Variants in AGBL3 observed in about 807,000 individuals in gnomAD.
AGBL3 encodes the protein cytosolic carboxypeptidase 3.
AGBL3 carries 68 observed loss-of-function variants against 94.5 expected under a neutral mutation model. That is an observed-to-expected ratio of 0.72 (90% CI 0.59 to 0.88). The LOEUF is 0.88. Ranked by LOEUF, AGBL3 falls within the 40% of genes least tolerant of loss-of-function variation. The probability of loss-of-function intolerance (pLI) is 0.00; values close to 1 mark genes in which losing one functional copy is unlikely to be tolerated. For synonymous variants in AGBL3, 354 were observed against 370.7 expected (o/e 0.95, Z 0.52); for missense variants, 934 against 1,103.8 (o/e 0.85, Z 2.18).
At chr7:135,133,244 C>A (rs7797986) in intron 16 of AGBL3, among the ~76,000 whole-genome samples, 3 of 152,010 alleles carry the variant, frequency 2.0e-5, no homozygotes, top group Non-Finnish European at 4.4e-5. Context: ...TACAGGGTTT[C>A]TATGCTGAAA....
chr7:135,134,054 G>C (rs1829149052), intron 16 of AGBL3, among the ~76,000 whole-genome samples: 1 of 151,980 alleles, frequency 6.6e-6, no homozygotes, highest in South Asian at 2.1e-4. Context: ...GATTAATAAT[G>C]GTTGCCAGGA....
At chr7:135,080,749 T>TG (rs1820846981) in intron 14 of AGBL3, among the ~76,000 whole-genome samples, 1 of 151,374 alleles carries the variant, frequency 6.6e-6, no homozygotes, top group Non-Finnish European at 1.5e-5. Context: ...TCTCTGTTTT[T>TG]TTTTTTTTTT....
At chr7:135,102,422 A>C (rs1441878147) in intron 15 of AGBL3, among the ~76,000 whole-genome samples, 5 of 152,194 alleles carry the variant, frequency 3.3e-5, no homozygotes, top group Non-Finnish European at 5.9e-5. Flanking sequence ...AAAGATAATA[A>C]TATGGAATAA....
chr7:135,045,666 T>C, intron 10 of AGBL3, 92 bp downstream of exon 10: 1 of 1,339,270 alleles, frequency 7.5e-7, no homozygotes, highest in Non-Finnish European at 1.0e-6. Context: ...CCTTTTAATG[T>C]CCCAACAGTG....
At chr7:135,055,470 T>G (rs542927198) in intron 11 of AGBL3, among the ~76,000 whole-genome samples, 2 of 152,340 alleles carry the variant, frequency 1.3e-5, no homozygotes, top group East Asian at 1.9e-4. Context: ...GTTTTTGTCA[T>G]GAATATGTGT....
chr7:135,133,953 G>GA (rs560925837), intron 16 of AGBL3, among the ~76,000 whole-genome samples: 38 of 147,352 alleles, frequency 2.6e-4, no homozygotes, highest in Admixed American at 1.1e-3. Context: ...ATTACTCTGA[G>GA]AAAAAAAAAA....
chr7:135,128,873 G>A lies in AGBL3; in HGVS notation c.2343-5968G>A, dbSNP rs1585283957. 6.1e-6 allele frequency: 8 copies of A among 1,302,470 alleles called. No individual in the cohort carries two copies. The East Asian group carries it at 1.8e-4, about 30-fold the overall frequency. 80.7% of individuals were successfully genotyped at this position (1,302,470 alleles called of 1,614,324 possible). On this transcript the variant is annotated intron_variant, in intron 16 of 16. Coordinates refer to ENST00000436302, the MANE Select transcript of AGBL3 (RefSeq NM_178563.4). ...TGTTAAATATGATCCAGGAAATCTT[G>A]GACTTTGATCAAGCTCAGCAGATAA...
At chr7:135,105,934 A>G (rs535657748) in intron 15 of AGBL3, among the ~76,000 whole-genome samples, 2 of 151,986 alleles carry the variant, frequency 1.3e-5, no homozygotes, top group Non-Finnish European at 2.9e-5. Flanking sequence ...TGTAATTTTC[A>G]TTGTAGAGAT....
intron 5 of AGBL3, among the ~76,000 whole-genome samples, chr7:135,024,700 T>C (rs1814897139): frequency 6.6e-6 from 1 of 152,162 alleles, no homozygotes; most frequent in South Asian, 2.1e-4. Context: ...GCAAGGAATC[T>C]TATCGAGATT....
chr7:135,094,372 T>G (rs749390723), intron 15 of AGBL3: 12 of 456,578 alleles, frequency 2.6e-5, no homozygotes, highest in Non-Finnish European at 5.3e-5. Flanking sequence ...TGCTGAGATC[T>G]GCTTGTCTGA....
intron 12 of AGBL3, among the ~76,000 whole-genome samples, chr7:135,069,344 G>A (rs1819662812): frequency 6.6e-6 from 1 of 152,174 alleles, no homozygotes; most frequent in South Asian, 2.1e-4. Flanking sequence ...AGGATATCCA[G>A]GAACTGAACT....
intron 15 of AGBL3, among the ~76,000 whole-genome samples, chr7:135,087,957 C>T (rs934479129): frequency 3.9e-5 from 6 of 152,006 alleles, no homozygotes; most frequent in Non-Finnish European, 7.4e-5. Context: ...TTCTATCTCT[C>T]CCTTTAGATC....
At chr7:134,993,008 G>T (rs111832272) in intron 3 of AGBL3, among the ~76,000 whole-genome samples, 12 of 152,270 alleles carry the variant, frequency 7.9e-5, no homozygotes, top group African/African-American at 2.9e-4. Flanking sequence ...GCTTGGCGTG[G>T]CCCCATACTA....
intron 11 of AGBL3, among the ~76,000 whole-genome samples, chr7:135,049,475 G>A (rs917807130): frequency 6.6e-6 from 1 of 151,910 alleles, no homozygotes. Context: ...TTCTATTTGA[G>A]TTTAAGAAGG....
intron 8 of AGBL3, among the ~76,000 whole-genome samples, chr7:135,039,682 CCAAGG>C (rs1816660165): frequency 6.6e-6 from 1 of 151,930 alleles, no homozygotes; most frequent in Non-Finnish European, 1.5e-5. Flanking sequence ...TTGCAGGGAG[CCAAGG>C]TCGTACCACT....
intron 15 of AGBL3, chr7:135,093,434 T>C (rs927818410): frequency 1.3e-5 from 2 of 152,086 alleles, no homozygotes; most frequent in African/African-American, 4.8e-5. Flanking sequence ...AAACCTGTTA[T>C]AAAAATCAAT....
At chr7:135,050,449 T>C (rs559267511) in intron 11 of AGBL3, among the ~76,000 whole-genome samples, 1 of 152,112 alleles carries the variant, frequency 6.6e-6, no homozygotes, top group East Asian at 1.9e-4. Flanking sequence ...TGATCATCTA[T>C]GTTGATATTC....
intron 15 of AGBL3, among the ~76,000 whole-genome samples, chr7:135,108,100 G>A (rs1404083847): frequency 6.6e-6 from 1 of 151,802 alleles, no homozygotes; most frequent in Non-Finnish European, 1.5e-5. Context: ...TGAGCCTATG[G>A]GTGTCACTGC....
intron 11 of AGBL3, among the ~76,000 whole-genome samples, chr7:135,052,008 G>C (rs866689159): frequency 7.2e-6 from 1 of 139,298 alleles, no homozygotes; most frequent in Non-Finnish European, 1.6e-5. Context: ...TTAATTTTTT[G>C]TTTTTAAATT....
Sources: gnomAD v4.1 joint callset for allele counts (sites outside exome capture counted in the v4.1 genomes callset) on GRCh38, gnomAD v4.1.1 for gene constraint, MANE v1.5 for transcripts, NCBI Gene and HGNC (gene_info 2026-07-23, HGNC 2026-07-21) for gene names.